NCKAP5: variants seen among roughly 807,000 people sequenced by gnomAD.
NCKAP5 encodes the protein NCK associated protein 5.
NCKAP5 carries 92 observed loss-of-function variants against 167.0 expected under a neutral mutation model. That is an observed-to-expected ratio of 0.55 (90% confidence interval 0.47 to 0.66). NCKAP5 has a LOEUF of 0.66. NCKAP5 is among the 30% of genes least tolerant of loss of function. NCKAP5 has a pLI of 0.00. For missense variants in NCKAP5, 2,378 were observed against 2,315.0 expected, an observed-to-expected ratio of 1.03 and a Z score of -0.56; for synonymous variants, 891 against 877.4, an observed-to-expected ratio of 1.02 and a Z score of -0.27.
chr2:132,878,476 T>A (rs542787863), intron 9 of NCKAP5, among the ~76,000 whole-genome samples: 2 of 152,284 alleles, frequency 1.3e-5, no homozygotes, highest in Admixed American at 6.5e-5. Context: ...ATGGTTCTTC[T>A]CATTCATTGG....
At chr2:132,745,723 A>G (rs1679582534) in intron 16 of NCKAP5, among the ~76,000 whole-genome samples, 1 of 152,028 alleles carries the variant, frequency 6.6e-6, no homozygotes, top group Non-Finnish European at 1.5e-5. Context: ...CCAAAACACT[A>G]TGAGAACTAA....
At chr2:132,688,985 CA>C (rs34015551) in intron 19 of NCKAP5, among the ~76,000 whole-genome samples, 1,226 of 66,296 alleles carry the variant, frequency 0.018, 7 homozygotes, top group African/African-American at 0.047. Context: ...GACACCAACT[CA>C]AAAAAAAAAA....
chr2:133,282,021 A>T (rs887075603), intron 4 of NCKAP5, among the ~76,000 whole-genome samples: 1 of 152,110 alleles, frequency 6.6e-6, no homozygotes, highest in Admixed American at 6.5e-5. Context: ...CAATTCTATC[A>T]CGTGCCTATA....
intron 3 of NCKAP5, among the ~76,000 whole-genome samples, chr2:133,410,115 T>C (rs1218374552): frequency 1.3e-5 from 2 of 152,250 alleles, no homozygotes; most frequent in African/African-American, 4.8e-5. Flanking sequence ...AAGTCTCATT[T>C]TAATCACGAT....
At chr2:133,212,088 A>G (rs79340741) in intron 5 of NCKAP5, among the ~76,000 whole-genome samples, 2,998 of 152,346 alleles carry the variant, frequency 0.02, 94 homozygotes, top group African/African-American at 0.068. Flanking sequence ...ATCATGATCC[A>G]CTAAGTTAAA....
intron 4 of NCKAP5, among the ~76,000 whole-genome samples, chr2:133,240,404 G>T (rs1169800252): frequency 6.6e-6 from 1 of 152,114 alleles, no homozygotes; most frequent in African/African-American, 2.4e-5. Context: ...CTGATGAAAA[G>T]CAAATTGCTC....
At chr2:133,251,682 A>T (rs1366678173) in intron 4 of NCKAP5, among the ~76,000 whole-genome samples, 1 of 152,242 alleles carries the variant, frequency 6.6e-6, no homozygotes. Context: ...AAAAGCCCTC[A>T]TTCACTACTA....
At chr2:133,388,954 A>G (rs1303971510) in intron 3 of NCKAP5, among the ~76,000 whole-genome samples, 1 of 152,180 alleles carries the variant, frequency 6.6e-6, no homozygotes. Context: ...CCTGGCTATG[A>G]AAGGGAATTC....
intron 5 of NCKAP5, among the ~76,000 whole-genome samples, chr2:133,145,816 G>A (rs191519436): frequency 2.0e-5 from 3 of 152,082 alleles, no homozygotes; most frequent in Admixed American, 2.0e-4. Context: ...CAACTCTGCA[G>A]CACATTGCAG....
At chr2:133,258,986 G>C (rs1249631058) in intron 4 of NCKAP5, among the ~76,000 whole-genome samples, 1 of 152,128 alleles carries the variant, frequency 6.6e-6, no homozygotes, top group African/African-American at 2.4e-5. Flanking sequence ...GGCCCAAAAG[G>C]TGAAGTTCAA....
intron 2 of NCKAP5, chr2:133,554,558 T>G (rs1284201200): frequency 6.6e-6 from 1 of 152,204 alleles, no homozygotes; most frequent in Admixed American, 6.5e-5. Flanking sequence ...CAGTTCCTAG[T>G]ACTGACTTAT....
At chr2:132,888,445 A>C (rs1692425950) in intron 8 of NCKAP5, among the ~76,000 whole-genome samples, 1 of 152,028 alleles carries the variant, frequency 6.6e-6, no homozygotes, top group Admixed American at 6.6e-5. Context: ...CTGGAGTGCA[A>C]TGGTATGATC....
chr2:133,162,822 TA>T (rs1214632614), intron 5 of NCKAP5, among the ~76,000 whole-genome samples: 1 of 152,216 alleles, frequency 6.6e-6, no homozygotes, highest in Non-Finnish European at 1.5e-5. Context: ...TTTCTGCAGT[TA>T]AAATAACTGT....
intron 6 of NCKAP5, among the ~76,000 whole-genome samples, chr2:133,041,922 A>C (rs929758814): frequency 6.6e-6 from 1 of 152,194 alleles, no homozygotes; most frequent in Middle Eastern, 3.2e-3. Context: ...AAAATTCTCA[A>C]ATAGCATTAT....
chr2:132,705,007 T>A (rs1688221374), intron 19 of NCKAP5, among the ~76,000 whole-genome samples: 1 of 152,220 alleles, frequency 6.6e-6, no homozygotes, highest in Non-Finnish European at 1.5e-5. Context: ...TAACTTATAC[T>A]TAACTCTCAG....
At chr2:133,332,265 T>C (rs1682907501) in intron 3 of NCKAP5, among the ~76,000 whole-genome samples, 2 of 152,154 alleles carry the variant, frequency 1.3e-5, no homozygotes, top group Non-Finnish European at 2.9e-5. Flanking sequence ...AACTGCCTTA[T>C]AAACACCATC....
intron 6 of NCKAP5, among the ~76,000 whole-genome samples, chr2:133,081,991 A>G (rs1298430577): frequency 1.3e-5 from 2 of 152,104 alleles, no homozygotes; most frequent in African/African-American, 4.8e-5. Flanking sequence ...TCCAGATAGT[A>G]AGCATAGTAC....
intron 19 of NCKAP5, among the ~76,000 whole-genome samples, chr2:132,723,692 A>G (rs1690174379): frequency 6.6e-6 from 1 of 152,176 alleles, no homozygotes; most frequent in African/African-American, 2.4e-5. Context: ...AGCCATGTGT[A>G]CAGACATAGA....
chr2:132,811,320 C>T (rs1197020904), intron 11 of NCKAP5, among the ~76,000 whole-genome samples: 2 of 152,120 alleles, frequency 1.3e-5, no homozygotes, highest in African/African-American at 2.4e-5. Context: ...TGGGCGGGGC[C>T]CTAGAGCTCC....
Sources: gnomAD v4.1 joint callset for allele counts (sites outside exome capture counted in the v4.1 genomes callset) on GRCh38, gnomAD v4.1.1 for gene constraint, MANE v1.5 for transcripts, NCBI Gene and HGNC (gene_info 2026-07-23, HGNC 2026-07-21) for gene names.